Variants in CDC27 observed in about 807,000 individuals in gnomAD.
CDC27 encodes the protein cell division cycle 27, also known as cell division cycle protein 27 homolog.
CDC27 carries 27 observed loss-of-function variants against 109.7 expected under a neutral mutation model. That is an observed-to-expected ratio of 0.25 (90% CI 0.18 to 0.34). CDC27 has a LOEUF of 0.34. CDC27 is among the 10% of genes least tolerant of loss of function. The pLI, the probability that CDC27 is intolerant of heterozygous loss-of-function variation, is 1.00. For synonymous variants in CDC27, 266 were observed against 333.9 expected (o/e 0.80, Z 2.22); for missense variants, 579 against 960.2 (o/e 0.60, Z 5.25).
chr17:47,171,468 C>T (rs1291840561), intron 3 of CDC27, among the ~76,000 whole-genome samples: 2 of 152,194 alleles, frequency 1.3e-5, no homozygotes, highest in Non-Finnish European at 2.9e-5. Context: ...TCTCTAAATG[C>T]CTCCAAATTT....
rs368943114 is a variant in CDC27, at chr17:47,186,711, T to C, written c.27+2435A>G. Reference sequence around the variant, plus strand: ...AGTAATTTGAGACGGAGTTTTAATTTAGGCATATATGGTATATCGGACTGG... The same window carrying C: ...AGTAATTTGAGACGGAGTTTTAATTCAGGCATATATGGTATATCGGACTGG... On this transcript the variant is annotated intron_variant, in intron 1 of 18. Transcript: ENST00000066544. Among the ~76,000 whole-genome samples the C allele has an allele frequency of 3.3e-4, 51 of 152,306 alleles. No individual in the cohort carries two copies. In the East Asian group the frequency reaches 4.2e-3, roughly 13 times the overall value.
chr17:47,184,909 A>G (rs997808816), intron 1 of CDC27, among the ~76,000 whole-genome samples: 1 of 152,226 alleles, frequency 6.6e-6, no homozygotes, highest in African/African-American at 2.4e-5. Flanking sequence ...GAGTTCTACA[A>G]ATTAAAGCCA....
chr17:47,168,838 C>A (rs1176587675), intron 4 of CDC27, among the ~76,000 whole-genome samples: 3 of 151,990 alleles, frequency 2.0e-5, no homozygotes, highest in Non-Finnish European at 2.9e-5. Context: ...AATATTCAAA[C>A]TAGCCTCAAT....
At position 47,150,414 on chromosome 17, in the gene CDC27, A is replaced by T. The variant is rs1044914364; in HGVS notation, c.1070+1392T>A. ...TATAACTGTTGTCTTTACAAGAGGG[A>T]AATTTAGATACAGAAACACACATGG... On this transcript the variant is annotated intron_variant, in intron 9 of 18. Transcript: ENST00000066544. 3.3e-5 allele frequency among the ~76,000 whole-genome samples: 5 copies of T among 152,182 alleles called. No homozygotes were observed. The South Asian group carries it at 1.0e-3, about 32-fold the overall frequency.
intron 2 of CDC27, among the ~76,000 whole-genome samples, chr17:47,178,963 G>A (rs960865553): frequency 1.3e-5 from 2 of 152,052 alleles, no homozygotes; most frequent in African/African-American, 2.4e-5. Flanking sequence ...CCACTACACC[G>A]GCTAATTTTG....
At chr17:47,143,394 A>G (rs1168434695) in intron 10 of CDC27, among the ~76,000 whole-genome samples, 4 of 152,214 alleles carry the variant, frequency 2.6e-5, no homozygotes, top group East Asian at 3.8e-4. Flanking sequence ...ATTATCAGCT[A>G]AAGACCTTAC....
At chr17:47,133,418 G>C (rs1365114791) in intron 14 of CDC27, among the ~76,000 whole-genome samples, 1 of 139,174 alleles carries the variant, frequency 7.2e-6, no homozygotes, top group African/African-American at 2.7e-5. Context: ...GACTACAGGT[G>C]TGAGTCATGG....
chr17:47,145,266 T>A (rs1171134078), intron 9 of CDC27, among the ~76,000 whole-genome samples: 1 of 152,156 alleles, frequency 6.6e-6, no homozygotes, highest in East Asian at 1.9e-4. Context: ...CCCACTGTGT[T>A]GAAAAGAAAA....
intron 13 of CDC27, among the ~76,000 whole-genome samples, chr17:47,137,641 T>A (rs1304438122): frequency 6.6e-6 from 1 of 152,248 alleles, no homozygotes; most frequent in Non-Finnish European, 1.5e-5. Context: ...CTTCTTGTTT[T>A]AGCTCTCATG....
In CDC27 at chr17:47,170,957, C is replaced by T. The variant is rs550636646; in HGVS notation, c.252-915G>A. ...CTATACAAAAAATAAGAAAATTAGCCAGGTGTAGTGACACGTGTCTGCAGC... is the reference window on the plus strand; with the variant it reads ...CTATACAAAAAATAAGAAAATTAGCTAGGTGTAGTGACACGTGTCTGCAGC... On this transcript the variant is annotated intron_variant, in intron 3 of 18. Transcript: ENST00000066544. 2.0e-5 allele frequency: 3 copies of T among 152,090 alleles called. No homozygotes were observed. The East Asian group carries it at 5.8e-4, about 29-fold the overall frequency. The allele number at this position is 152,090 out of a possible 1,614,324, so 9.4% of individuals were successfully genotyped here.
In CDC27 at chr17:47,136,543, G is replaced by A. The variant is rs543656224; in HGVS notation, c.1913+609C>T. Among the ~76,000 whole-genome samples, 39 of 152,212 alleles carry A rather than the reference G, an allele frequency of 2.6e-4. 1 individual carries two copies. Among genetic ancestry groups the A allele is most frequent in the Admixed American group, 2.3e-3 (35 of 15,274 alleles). On this transcript the variant is annotated intron_variant, in intron 14 of 18. Transcript: ENST00000066544. ...TACAATAAATGTCAACAGTAAGTAT[G>A]GTGTTGAGGCAGAAATAGGACCAAA... is the stretch of plus-strand genomic sequence containing the variant.
chr17:47,182,473 C>A (rs776306161), intron 1 of CDC27, among the ~76,000 whole-genome samples: 1 of 152,296 alleles, frequency 6.6e-6, no homozygotes, highest in South Asian at 2.1e-4. Flanking sequence ...AAGAGGAAAC[C>A]ACCACACTGA....
Position 47,188,727 on chromosome 17 carries a change from C to T in CDC27, c.27+419G>A, listed in dbSNP as rs931194167. 1.2e-5 allele frequency: 12 copies of T among 1,010,784 alleles called. No individual in the cohort carries two copies. In the African/African-American group the frequency reaches 1.7e-4, roughly 14 times the overall value. The allele number at this position is 1,010,784 out of a possible 1,614,324, so 62.6% of individuals were successfully genotyped here. On this transcript the variant is annotated intron_variant, in intron 1 of 18. Transcript: ENST00000066544. ...TCATACAAGACAAAATAAAAAAAACCTCCGTAAACTTGCCCTACCGTCACG... is the reference window on the plus strand; with the variant it reads ...TCATACAAGACAAAATAAAAAAAACTTCCGTAAACTTGCCCTACCGTCACG...
At chr17:47,122,121 T>C (rs1278780237) in intron 18 of CDC27, among the ~76,000 whole-genome samples, 1 of 152,102 alleles carries the variant, frequency 6.6e-6, no homozygotes, top group Non-Finnish European at 1.5e-5. Context: ...TGTCAGAAAT[T>C]TCTCCATTCT....
In CDC27 at chr17:47,133,048, C is replaced by T. The variant is rs1190489834; in HGVS notation, c.1914-674G>A. 7.5e-4 allele frequency among the ~76,000 whole-genome samples: 45 copies of T among 59,998 alleles called. 1 individual carries two copies. In the East Asian group the frequency reaches 0.016, roughly 21 times the overall value. 39.4% of individuals were successfully genotyped at this position (59,998 alleles called of 152,430 possible). A position where few individuals can be genotyped will look rare whatever the true frequency, so the allele number is the denominator to read the frequency against. On this transcript the variant is annotated intron_variant, in intron 14 of 18. Transcript: ENST00000066544. ...ATATATACACACACACACACACACACACACACATACATATACACACACACA... is the reference window on the plus strand; with the variant it reads ...ATATATACACACACACACACACACATACACACATACATATACACACACACA...
intron 2 of CDC27, among the ~76,000 whole-genome samples, chr17:47,178,637 G>C (rs1177854124): frequency 6.6e-6 from 1 of 151,146 alleles, no homozygotes; most frequent in Non-Finnish European, 1.5e-5. Context: ...CTATGTGCCA[G>C]AAACTACAGC....
chr17:47,120,768 G>A lies in CDC27; in HGVS notation c.*167C>T, dbSNP rs2061962217. The A allele has an allele frequency of 5.6e-6, 3 of 532,336 alleles. No individual in the cohort carries two copies. The highest frequency in any genetic ancestry group is 1.0e-5 in the Non-Finnish European group (3 of 295,964). The allele number at this position is 532,336 out of a possible 1,614,324, so 33.0% of individuals were successfully genotyped here. A position where few individuals can be genotyped will look rare whatever the true frequency, so the allele number is the denominator to read the frequency against. On this transcript the variant is annotated 3_prime_UTR_variant, in exon 19 of 19. Coordinates refer to ENST00000066544, the MANE Select transcript of CDC27 (RefSeq NM_001256.6). ...CTTGTTAGCAGCTAAATATTGCACT[G>A]CCTTTCATTCTGTATACAGTCAGGG...
intron 18 of CDC27, among the ~76,000 whole-genome samples, chr17:47,121,884 C>T (rs909557336): frequency 5.3e-5 from 8 of 151,890 alleles, no homozygotes; most frequent in South Asian, 2.1e-4. Flanking sequence ...GGATTACAGG[C>T]GCCCGCAACC....
intron 15 of CDC27, among the ~76,000 whole-genome samples, chr17:47,129,929 CA>C (rs756534531): frequency 6.6e-6 from 1 of 152,128 alleles, no homozygotes; most frequent in Non-Finnish European, 1.5e-5. Context: ...ACTATTTAGC[CA>C]GATAATATTC....
Sources: gnomAD v4.1 joint callset for allele counts (sites outside exome capture counted in the v4.1 genomes callset) on GRCh38, gnomAD v4.1.1 for gene constraint, MANE v1.5 for transcripts, NCBI Gene and HGNC (gene_info 2026-07-23, HGNC 2026-07-21) for gene names.